Variants in KIF13B observed in about 807,000 individuals in gnomAD.
KIF13B encodes kinesin family member 13B.
In KIF13B, 127 loss-of-function variants were observed where a neutral mutation model predicts 222.0. That is an observed-to-expected ratio of 0.57 (90% CI 0.50 to 0.66). The LOEUF is 0.66. Ranked by LOEUF, KIF13B falls within the 30% of genes least tolerant of loss-of-function variation. KIF13B has a pLI of 0.00. For missense variants in KIF13B, 2,173 were observed against 2,379.0 expected (o/e 0.91, Z 1.80); for synonymous variants, 976 against 919.0 (o/e 1.06, Z -1.12).
At chr8:29,110,780 T>C (rs1162024871) in intron 32 of KIF13B, 1 of 152,226 alleles carries the variant, frequency 6.6e-6, no homozygotes, top group African/African-American at 2.4e-5. Context: ...GCTTTATTAA[T>C]GTATTTAGTT....
chr8:29,210,048 C>T (rs1254008127), intron 2 of KIF13B, among the ~76,000 whole-genome samples: 1 of 150,448 alleles, frequency 6.6e-6, no homozygotes, highest in Non-Finnish European at 1.5e-5. Context: ...AGAGCCAGAC[C>T]CTGTCTCAGA....
intron 27 of KIF13B, 28 bp from the exon 28 acceptor site, chr8:29,123,520 GA>G: frequency 1.9e-6 from 3 of 1,612,174 alleles, no homozygotes; most frequent in Non-Finnish European, 2.5e-6. Flanking sequence ...AGGATTCAAT[GA>G]CAAAACTTCA....
chr8:29,080,319 C>A (rs1010361244), intron 37 of KIF13B, among the ~76,000 whole-genome samples: 1 of 124,924 alleles, frequency 8.0e-6, no homozygotes, highest in African/African-American at 3.2e-5. Flanking sequence ...CAGAGTGAGA[C>A]CCAGTCTCAA....
intron 2 of KIF13B, among the ~76,000 whole-genome samples, chr8:29,204,760 G>C (rs775137331): frequency 6.6e-6 from 1 of 151,350 alleles, no homozygotes; most frequent in Non-Finnish European, 1.5e-5. Flanking sequence ...TCTGGCCTTC[G>C]GCCACAGACC....
intron 2 of KIF13B, among the ~76,000 whole-genome samples, chr8:29,211,677 A>G (rs1214210623): frequency 6.6e-6 from 1 of 152,220 alleles, no homozygotes; most frequent in Non-Finnish European, 1.5e-5. Flanking sequence ...CTGAGGAAGC[A>G]TGTGTAAGCT....
At chr8:29,124,240 A>G in intron 26 of KIF13B, 117 bp from the exon 27 acceptor site, 1 of 593,610 alleles carries the variant, frequency 1.7e-6, no homozygotes, top group East Asian at 2.9e-5. Flanking sequence ...GTATACAATA[A>G]TTTCTTTATT....
intron 38 of KIF13B, among the ~76,000 whole-genome samples, chr8:29,073,499 T>C (rs1807411846): frequency 6.6e-6 from 1 of 152,244 alleles, no homozygotes; most frequent in African/African-American, 2.4e-5. Flanking sequence ...CCAGATCATC[T>C]TTCTATTCCT....
chr8:29,262,427 A>T (rs1367917840), intron 1 of KIF13B, among the ~76,000 whole-genome samples: 1 of 152,194 alleles, frequency 6.6e-6, no homozygotes, highest in Non-Finnish European at 1.5e-5. Context: ...CAGGACGCCC[A>T]GGTGGAAGGA....
chr8:29,214,500 G>T (rs1814386440), intron 2 of KIF13B, among the ~76,000 whole-genome samples: 1 of 152,162 alleles, frequency 6.6e-6, no homozygotes, highest in Non-Finnish European at 1.5e-5. Context: ...GTCTTCAGGG[G>T]CAGTAACAGG....
chr8:29,214,708 A>G (rs1242276053), intron 2 of KIF13B, among the ~76,000 whole-genome samples: 2 of 152,222 alleles, frequency 1.3e-5, no homozygotes, highest in Non-Finnish European at 2.9e-5. Flanking sequence ...AGTATTATAT[A>G]CCATGCATAA....
chr8:29,106,413 C>T (rs1809068899), intron 35 of KIF13B, among the ~76,000 whole-genome samples: 1 of 152,126 alleles, frequency 6.6e-6, no homozygotes, highest in African/African-American at 2.4e-5. Flanking sequence ...GGACAGATCA[C>T]TTGAGGTCAG....
At chr8:29,148,403 T>G (rs931051807) in intron 16 of KIF13B, among the ~76,000 whole-genome samples, 174 bp downstream of exon 16, 16 of 151,716 alleles carry the variant, frequency 1.1e-4, no homozygotes, top group Non-Finnish European at 2.2e-4. Flanking sequence ...CTCTACCGTT[T>G]TTTTTTTTTT....
intron 10 of KIF13B, among the ~76,000 whole-genome samples, chr8:29,168,228 A>T (rs570492962): frequency 6.6e-6 from 1 of 152,392 alleles, no homozygotes; most frequent in South Asian, 2.1e-4. Flanking sequence ...TCCTGAGAAG[A>T]GATACTGTCT....
intron 2 of KIF13B, among the ~76,000 whole-genome samples, chr8:29,211,257 C>T (rs1814209908): frequency 6.6e-6 from 1 of 152,298 alleles, no homozygotes; most frequent in South Asian, 2.1e-4. Context: ...ATGTGAAGCC[C>T]CAGCCATGAT....
At chr8:29,112,041 C>T (rs766288670) in intron 32 of KIF13B, among the ~76,000 whole-genome samples, 41 of 152,188 alleles carry the variant, frequency 2.7e-4, no homozygotes, top group Non-Finnish European at 5.7e-4. Flanking sequence ...TCTAACACTT[C>T]AAAGATCCAG....
intron 18 of KIF13B, among the ~76,000 whole-genome samples, chr8:29,143,889 T>C (rs115448261): frequency 0.01 from 1,543 of 152,058 alleles, 15 homozygotes; most frequent in African/African-American, 0.021. Flanking sequence ...TGTTCTATTA[T>C]GCAAGTATCA....
Position 29,123,378 on chromosome 8 carries a change from G to T in KIF13B, c.3467C>A (p.Ala1156Asp). 1 of 1,613,856 alleles carries T rather than the reference G, an allele frequency of 6.2e-7. No homozygotes were observed. The highest frequency in any genetic ancestry group is 2.2e-5 in the East Asian group (1 of 44,886). ...VPSAGSGIPG[A>D]PAEWTPVPGM... The stretch of plus-strand genomic sequence containing the variant: ...ACAGGGTTCATACCATTCTGCTGGG[G>T]CCCCTGGAATACCACTGCCAGCAGA... The change falls in exon 28 of 40, where the codon GCC (alanine) becomes GAC (aspartate). Residue 1156 changes from alanine (A) to aspartate (D), a missense_variant. Physicochemically the swap from Ala to Asp is moderately radical, Grantham distance 126. Around this residue, in one of 2 missense-constraint regions of KIF13B, gnomAD observed 1,480 missense variants for 1,722.8 expected, o/e 0.86. Transcript: ENST00000524189.
At position 29,077,098 on chromosome 8, in the gene KIF13B, G is replaced by T. The variant is rs553508800; in HGVS notation, c.4459-1755C>A. On this transcript the variant is annotated intron_variant, in intron 37 of 39. Coordinates refer to ENST00000524189, the MANE Select transcript of KIF13B (RefSeq NM_015254.4). The stretch of plus-strand genomic sequence containing the variant: ...TGAGGCCCAGGACAGCTAGGACCAG[G>T]GTGCATTAAAGATTATGTGAGCAGC... Among the ~76,000 whole-genome samples, 4 of 152,316 alleles carry T rather than the reference G, an allele frequency of 2.6e-5. No individual in the cohort carries two copies. The South Asian group carries it at 8.3e-4, about 32-fold the overall frequency.
chr8:29,119,825 AT>A (rs762995242), intron 29 of KIF13B, among the ~76,000 whole-genome samples: 36 of 152,086 alleles, frequency 2.4e-4, no homozygotes, highest in Middle Eastern at 3.4e-3. Flanking sequence ...ATTCGGTATT[AT>A]TCTCTAACTC....
Sources: allele counts gnomAD v4.1 joint callset (sites outside exome capture counted in the v4.1 genomes callset), GRCh38; gene constraint gnomAD v4.1.1; regional missense constraint gnomAD v4.1.1; transcripts MANE v1.5; gene names NCBI Gene and HGNC (gene_info 2026-07-23, HGNC 2026-07-21).